TEX13B: variants seen among roughly 807,000 people sequenced by gnomAD.
TEX13B encodes the protein testis expressed 13B.
TEX13B carries 5 observed loss-of-function variants against 11.2 expected under a neutral mutation model. That is an observed-to-expected ratio of 0.44 (90% CI 0.23 to 0.93). TEX13B has a LOEUF of 0.93. Among genes scored for constraint, TEX13B ranks in the 40% least tolerant of loss-of-function variants. The probability of loss-of-function intolerance (pLI) is 0.23; values close to 1 mark genes in which losing one functional copy is unlikely to be tolerated. For missense variants in TEX13B, 213 were observed against 244.2 expected, an observed-to-expected ratio of 0.87 and a Z score of 0.85; for synonymous variants, 115 against 100.9, an observed-to-expected ratio of 1.14 and a Z score of -0.84.
Position 107,981,800 on chromosome X carries a change from T to C in TEX13B, c.328A>G (p.Asn110Asp). Reference sequence around the variant, plus strand: ...TGCTGTTCCTTGAGTTCCGTCAGGTTTGAGGCCAAGACCAGCGCAGCTGAT... The same window carrying C: ...TGCTGTTCCTTGAGTTCCGTCAGGTCTGAGGCCAAGACCAGCGCAGCTGAT... ...HRSAALVLAS[N>D]LTELKEQQEM... The change falls in exon 2 of 3, where the codon AAC becomes GAC. Residue 110 changes from asparagine (N) to aspartate (D), a missense_variant. Coordinates refer to ENST00000302917, the MANE Select transcript of TEX13B (RefSeq NM_031273.2). The C allele has an allele frequency of 8.3e-7, 1 of 1,211,954 alleles. No homozygotes were observed. Among genetic ancestry groups the C allele is most frequent in the Non-Finnish European group, 1.1e-6 (1 of 895,444 alleles).
In TEX13B at chrX:107,980,906, A is replaced by C; in HGVS notation, c.*174T>G. 1 of 664,522 alleles carries C rather than the reference A, an allele frequency of 1.5e-6. No homozygotes were observed. Among genetic ancestry groups the C allele is most frequent in the East Asian group, 3.2e-5 (1 of 31,230 alleles). The allele number at this position is 664,522 out of a possible 1,213,427, so 54.8% of individuals were successfully genotyped here. On this transcript the variant is annotated 3_prime_UTR_variant, in exon 3 of 3. Transcript: ENST00000302917. ...CAGCCAGATTCGCCTCCCACAGAGG[A>C]AGCAATTTTCCCTCCATGAAAAATT...
Position 107,981,986 on chromosome X carries a change from C to G in TEX13B, c.142G>C (p.Asp48His). The part of the protein sequence containing the change: ...NISLSWEEVE[D>H]KLRAILEDSE... ...TCCTCCAGGATGGCCCTGAGCTTGT[C>G]TTCCACCTCCTCCCAGGATAAGGAT... is the stretch of plus-strand genomic sequence containing the variant. The change falls in exon 2 of 3, where the codon GAC becomes CAC. Residue 48 changes from aspartate (D) to histidine (H), a missense_variant. By Grantham distance (81) the Asp-to-His change is moderately conservative. Coordinates refer to ENST00000302917, the MANE Select transcript of TEX13B (RefSeq NM_031273.2). 1 of 1,212,045 alleles carries G rather than the reference C, an allele frequency of 8.3e-7. No homozygotes were observed.
chrX:107,981,488 C>A lies in TEX13B; in HGVS notation c.531G>T (p.Trp177Cys). The A allele has an allele frequency of 8.3e-7, 1 of 1,211,763 alleles. No homozygotes were observed. Among genetic ancestry groups the A allele is most frequent in the Non-Finnish European group, 1.1e-6 (1 of 895,548 alleles). The change falls in exon 3 of 3, where the codon TGG becomes TGT. Residue 177 changes from tryptophan to cysteine, a missense_variant. Transcript: ENST00000302917. The part of the protein sequence containing the change: ...FPGLATAGGD[W>C]TEGAGEQEKE... Reference sequence around the variant, plus strand: ...TTTCCTGCTCACCTGCTCCTTCTGTCCAATCCCCTCCGGCAGTGGCCAGGC... The same window carrying A: ...TTTCCTGCTCACCTGCTCCTTCTGTACAATCCCCTCCGGCAGTGGCCAGGC...
rs376923381 is a variant in TEX13B, at chrX:107,981,636, G to A, written c.459+33C>T. Reference sequence around the variant, plus strand: ...TCCGGACAGGTTGGGGCAGGGCAGAGGCATTGGACAGGGACCATTCGGGGG... The same window carrying A: ...TCCGGACAGGTTGGGGCAGGGCAGAAGCATTGGACAGGGACCATTCGGGGG... On this transcript the variant is annotated intron_variant, in intron 2 of 2. Transcript: ENST00000302917. 4.4e-5 allele frequency: 52 copies of A among 1,189,226 alleles called. No individual in the cohort carries two copies. The African/African-American group carries it at 7.9e-4, about 18-fold the overall frequency.
rs758142391 is a variant in TEX13B, at chrX:107,981,651, C to T, written c.459+18G>A. On this transcript the variant is annotated intron_variant, in intron 2 of 2. Transcript: ENST00000302917. The stretch of plus-strand genomic sequence containing the variant: ...GCAGGGCAGAGGCATTGGACAGGGA[C>T]CATTCGGGGGATCTTACGGCATGGA... 8.4e-7 allele frequency: 1 copy of T among 1,189,239 alleles called. No individual in the cohort carries two copies. Among genetic ancestry groups the T allele is most frequent in the South Asian group, 1.9e-5 (1 of 53,381 alleles).
intron 2 of TEX13B, 30 bp from the exon 3 acceptor site, chrX:107,981,589 A>G: frequency 1.7e-6 from 2 of 1,204,002 alleles, no homozygotes; most frequent in Non-Finnish European, 2.2e-6. Context: ...GCTGAAACAC[A>G]TTCTGGGGAC....
Position 107,982,175 on chromosome X carries a change from A to G in TEX13B, c.-32-16T>C. 3.6e-6 allele frequency: 4 copies of G among 1,113,431 alleles called. No homozygotes were observed. The highest frequency in any genetic ancestry group is 4.8e-6 in the Non-Finnish European group (4 of 836,437). The allele number at this position is 1,113,431 out of a possible 1,213,427, so 91.8% of individuals were successfully genotyped here. ...TTCACTAGCCCTGTGTGGATGGAGC[A>G]GCCAATAGGTTTCTTTCCTCCTCCT... is the stretch of plus-strand genomic sequence containing the variant. On this transcript the variant is annotated splice_polypyrimidine_tract_variant and intron_variant, in intron 1 of 2. Transcript: ENST00000302917.
At position 107,981,906 on chromosome X, in the gene TEX13B, C is replaced by G; in HGVS notation, c.222G>C (p.Leu74Phe). The change falls in exon 2 of 3, where the codon TTG becomes TTC. Residue 74 changes from leucine (L) to phenylalanine (F), a missense_variant. Leu to Phe is a conservative substitution (Grantham distance 22). Transcript: ENST00000302917. ...CCTGCCTGTGGGCAAAGCGCACACC[C>G]AAGGCCAGGCTGCCCCAGGTGCAGG... is the stretch of plus-strand genomic sequence containing the variant. ...KEACTWGSLA[L>F]GVRFAHRQGQ... 1 of 1,209,603 alleles carries G rather than the reference C, an allele frequency of 8.3e-7. No individual in the cohort carries two copies. Among genetic ancestry groups the G allele is most frequent in the Non-Finnish European group, 1.1e-6 (1 of 893,657 alleles).
At position 107,981,737 on chromosome X, in the gene TEX13B, G is replaced by A. The variant is rs774427158; in HGVS notation, c.391C>T (p.Leu131=). The A allele has an allele frequency of 8.3e-7, 1 of 1,209,737 alleles. No homozygotes were observed. Among genetic ancestry groups the A allele is most frequent in the African/African-American group, 1.7e-5 (1 of 57,280 alleles). Residue 131 remains leucine, a synonymous_variant, in exon 2 of 3, where the codon CTA becomes TTA. Coordinates refer to ENST00000302917, the MANE Select transcript of TEX13B (RefSeq NM_031273.2). The stretch of plus-strand genomic sequence containing the variant: ...ACCTCCGCAAGGCTGGTCTCGGTTA[G>A]CTGCAACTGGAAGGTCGCCTCATTG... ...ECNEATFQLQ[L]TETSLAEVQR...
At position 107,981,724 on chromosome X, in the gene TEX13B, C is replaced by T. The variant is rs144457019; in HGVS notation, c.404G>A (p.Ser135Asn). 1.2e-4 allele frequency: 139 copies of T among 1,208,433 alleles called. 1 individual carries two copies. In the African/African-American group the frequency reaches 2.3e-3, roughly 20 times the overall value. The change falls in exon 2 of 3, where the codon AGC becomes AAC. Residue 135 changes from serine (S) to asparagine (N), a missense_variant. Coordinates refer to ENST00000302917, the MANE Select transcript of TEX13B (RefSeq NM_031273.2). The part of the protein sequence containing the change: ...ATFQLQLTET[S>N]LAEVQRERDM... ...CCGCTCTCTCTGCACCTCCGCAAGG[C>T]TGGTCTCGGTTAGCTGCAACTGGAA...
In TEX13B at chrX:107,981,208, A is replaced by G; in HGVS notation, c.811T>C (p.Tyr271His). The G allele has an allele frequency of 8.3e-7, 1 of 1,211,950 alleles. No individual in the cohort carries two copies. Among genetic ancestry groups the G allele is most frequent in the Non-Finnish European group, 1.1e-6 (1 of 895,553 alleles). ...LTGASSCPAPYLIHILIPMPF... is the reference protein window; with the variant it reads ...LTGASSCPAPHLIHILIPMPF... ...ATGGGTATGAGTATGTGAATGAGGTAGGGAGCTGGACAGGAAGAGGCTCCA... is the reference window on the plus strand; with the variant it reads ...ATGGGTATGAGTATGTGAATGAGGTGGGGAGCTGGACAGGAAGAGGCTCCA... Residue 271 changes from tyrosine to histidine, a missense_variant, in exon 3 of 3, where the codon TAC (tyrosine) becomes CAC (histidine). Coordinates refer to ENST00000302917, the MANE Select transcript of TEX13B (RefSeq NM_031273.2).
chrX:107,981,078 C>T lies in TEX13B; in HGVS notation c.*2G>A. On this transcript the variant is annotated 3_prime_UTR_variant, in exon 3 of 3. Coordinates refer to ENST00000302917, the MANE Select transcript of TEX13B (RefSeq NM_031273.2). Reference sequence around the variant, plus strand: ...GCCTCCACATCTGACCACAGGCTAGCATCAGAGGCCCCCCAGTTGAAAGGC... The same window carrying T: ...GCCTCCACATCTGACCACAGGCTAGTATCAGAGGCCCCCCAGTTGAAAGGC... 3.3e-6 allele frequency: 4 copies of T among 1,210,618 alleles called. No individual in the cohort carries two copies. Among genetic ancestry groups the T allele is most frequent in the Non-Finnish European group, 4.5e-6 (4 of 895,168 alleles).
Position 107,981,286 on chromosome X carries a change from C to T in TEX13B, c.733G>A (p.Val245Ile). The change falls in exon 3 of 3, where the codon GTC becomes ATC. Residue 245 changes from valine to isoleucine, a missense_variant. Transcript: ENST00000302917. ...AGACAGACATGGCTGTTTGTACTGA[C>T]CTGAGATCTTTCTCCCTCTGCCCCG... ...LCGAEGERSQ[V>I]STNSHVCLLW... is the part of the protein sequence containing the mutation. 3.3e-6 allele frequency: 4 copies of T among 1,211,656 alleles called. No individual in the cohort carries two copies. The highest frequency in any genetic ancestry group is 4.5e-6 in the Non-Finnish European group (4 of 895,513).
chrX:107,981,763 C>T lies in TEX13B; in HGVS notation c.365G>A (p.Cys122Tyr). Reference sequence around the variant, plus strand: ...CTGCAACTGGAAGGTCGCCTCATTGCATTCCATCTCCTGCTGTTCCTTGAG... The same window carrying T: ...CTGCAACTGGAAGGTCGCCTCATTGTATTCCATCTCCTGCTGTTCCTTGAG... ...TELKEQQEME[C>Y]NEATFQLQLT... The change falls in exon 2 of 3, where the codon TGC (cysteine) becomes TAC (tyrosine). Residue 122 changes from cysteine to tyrosine, a missense_variant. Transcript: ENST00000302917. 8.3e-7 allele frequency: 1 copy of T among 1,212,003 alleles called. No individual in the cohort carries two copies. The highest frequency in any genetic ancestry group is 1.1e-6 in the Non-Finnish European group (1 of 895,475).
In TEX13B at chrX:107,981,273, CTGTT is replaced by C; in HGVS notation, c.742_745del (p.Asn248AlafsTer136). ...CCAAGCCCAGAGAAGACAGACATGGCTGTTTGTACTGACCTGAGATCTTTCTCCC... is the reference window on the plus strand; with the variant it reads ...CCAAGCCCAGAGAAGACAGACATGGCTGTACTGACCTGAGATCTTTCTCCC... On this transcript the variant is annotated frameshift_variant, in exon 3 of 3. Transcript: ENST00000302917. LOFTEE classifies it high-confidence loss of function. The C allele has an allele frequency of 8.3e-7, 1 of 1,211,591 alleles. No homozygotes were observed. Among genetic ancestry groups the C allele is most frequent in the Non-Finnish European group, 1.1e-6 (1 of 895,351 alleles).
chrX:107,982,236 A>C, intron 1 of TEX13B, 74 bp downstream of exon 1: 2 of 773,373 alleles, frequency 2.6e-6, no homozygotes, highest in Non-Finnish European at 3.5e-6. Context: ...CCGCCCTCCC[A>C]CCTCTGACAA....
At position 107,982,169 on chromosome X, in the gene TEX13B, T is replaced by C. The variant is rs1602533701; in HGVS notation, c.-32-10A>G. ...AACGGTTTCACTAGCCCTGTGTGGA[T>C]GGAGCAGCCAATAGGTTTCTTTCCT... On this transcript the variant is annotated splice_polypyrimidine_tract_variant and intron_variant, in intron 1 of 2. Transcript: ENST00000302917. The C allele has an allele frequency of 8.9e-7, 1 of 1,126,242 alleles. No homozygotes were observed. The highest frequency in any genetic ancestry group is 1.8e-5 in the African/African-American group (1 of 55,417). The allele number at this position is 1,126,242 out of a possible 1,213,427, so 92.8% of individuals were successfully genotyped here. A position where few individuals can be genotyped will look rare whatever the true frequency, so the allele number is the denominator to read the frequency against.
chrX:107,981,699 C>A lies in TEX13B; in HGVS notation c.429G>T (p.Arg143=), dbSNP rs943290810. The A allele has an allele frequency of 1.7e-6, 2 of 1,203,961 alleles. No homozygotes were observed. The highest frequency in any genetic ancestry group is 2.3e-4 in the Middle Eastern group (1 of 4,310). The change falls in exon 2 of 3, where the codon CGG becomes CGT. Residue 143 remains arginine, a synonymous_variant. Coordinates refer to ENST00000302917, the MANE Select transcript of TEX13B (RefSeq NM_031273.2). ...GGAAGAGCTTCCATCTCAGCATGTC[C>A]CGCTCTCTCTGCACCTCCGCAAGGC... The part of the protein sequence containing the change: ...ETSLAEVQRE[R]DMLRWKLFHA...
Position 107,981,225 on chromosome X carries a change from G to A in TEX13B, c.794C>T (p.Ser265Phe), listed in dbSNP as rs1179491926. The change falls in exon 3 of 3, where the codon TCT becomes TTT. Residue 265 changes from serine (S) to phenylalanine (F), a missense_variant. Ser to Phe is a radical substitution (Grantham distance 155). Coordinates refer to ENST00000302917, the MANE Select transcript of TEX13B (RefSeq NM_031273.2). Reference sequence around the variant, plus strand: ...AATGAGGTAGGGAGCTGGACAGGAAGAGGCTCCAGTGAGACTGTGGACCCA... The same window carrying A: ...AATGAGGTAGGGAGCTGGACAGGAAAAGGCTCCAGTGAGACTGTGGACCCA... ...WAWVHSLTGA[S>F]SCPAPYLIHI... 8.3e-7 allele frequency: 1 copy of A among 1,211,952 alleles called. No individual in the cohort carries two copies. Among genetic ancestry groups the A allele is most frequent in the South Asian group, 1.8e-5 (1 of 56,984 alleles).
Sources: allele counts gnomAD v4.1 joint callset, GRCh38; gene constraint gnomAD v4.1.1; transcripts MANE v1.5; gene names NCBI Gene and HGNC (gene_info 2026-07-23, HGNC 2026-07-21).